Variants in OR1L8 observed in about 807,000 individuals in gnomAD.
The protein encoded by OR1L8 is olfactory receptor family 1 subfamily L member 8, also known as olfactory receptor 1L8.
For missense variants in OR1L8, 330 were observed against 377.4 expected, an observed-to-expected ratio of 0.87 and a Z score of 1.04; for synonymous variants, 148 against 147.0, an observed-to-expected ratio of 1.01 and a Z score of -0.05.
At chr9:122,553,657 G>A in the OR1L8 span, 14 of 1,613,972 alleles carry the variant, frequency 8.7e-6, no homozygotes, top group African/African-American at 2.7e-5. Context: ...CTAATGCTGG[G>A]TGTGTGCTGG....
rs754809139 is a variant in OR1L8 at position 122,567,966 on chromosome 9, TCA to T, written c.510_511del (p.Cys170Ter). 1.2e-6 allele frequency: 2 copies of T among 1,613,024 alleles called. No homozygotes were observed. Among genetic ancestry groups the T allele is most frequent in the African/African-American group, 2.7e-5 (2 of 74,480 alleles). On this transcript the variant is annotated stop_gained and frameshift_variant, in exon 5 of 5. Transcript: ENST00000641027. LOFTEE classifies it low-confidence loss of function (END_TRUNC). ...GAGAAAGTGGTGGATAACATTGGAG[TCA>T]CAGAAGGTGAGACGATTCAGCAGAA...
chr9:122,554,438 T>C, the OR1L8 span, among the ~76,000 whole-genome samples: 1 of 152,150 alleles, frequency 6.6e-6, no homozygotes, highest in Non-Finnish European at 1.5e-5. Flanking sequence ...ATATTAGCCA[T>C]AGTGAACAAG....
intron 3 of OR1L8, among the ~76,000 whole-genome samples, chr9:122,575,745 C>CT (rs894549495): frequency 3.9e-5 from 6 of 152,136 alleles, no homozygotes; most frequent in African/African-American, 1.4e-4. Context: ...CTCACAGTTA[C>CT]TTTTTTGTGA....
chr9:122,552,121 T>C, the OR1L8 span, among the ~76,000 whole-genome samples: 79,508 of 151,290 alleles, frequency 0.53, 21,185 homozygotes, highest in East Asian at 0.66. Context: ...AGTTCGATGA[T>C]CAGGTGACCA....
At chr9:122,569,297 G>C (rs1199915478) in intron 4 of OR1L8, among the ~76,000 whole-genome samples, 1 of 152,054 alleles carries the variant, frequency 6.6e-6, no homozygotes, top group Admixed American at 6.6e-5. Context: ...CCATTGTTAA[G>C]TGTTAAATCT....
chr9:122,553,480 C>A, the OR1L8 span: 4 of 1,613,982 alleles, frequency 2.5e-6, no homozygotes, highest in African/African-American at 5.3e-5. Flanking sequence ...AACATTCATA[C>A]CCAGAGTCAG....
the OR1L8 span, among the ~76,000 whole-genome samples, chr9:122,551,940 T>C: frequency 6.6e-6 from 1 of 152,226 alleles, no homozygotes; most frequent in African/African-American, 2.4e-5. Context: ...TTTTTTATTA[T>C]GAATTATCCA....
chr9:122,554,315 CT>C, the OR1L8 span: 2 of 623,534 alleles, frequency 3.2e-6, no homozygotes, highest in South Asian at 2.1e-5. Flanking sequence ...GTGTTTCATT[CT>C]TTTATTAGGC....
chr9:122,568,489 C>T lies in OR1L8; in HGVS notation c.-12G>A. ...TTGATTCTTTCCATTGACTTGGGCT[C>T]AGTTATAAACAAGAAGTTTTGTCAT... On this transcript the variant is annotated 5_prime_UTR_variant, in exon 5 of 5. An upstream open reading frame in the 5' UTR loses its in-frame stop. Transcript: ENST00000641027. 3 of 1,486,838 alleles carry T rather than the reference C, an allele frequency of 2.0e-6. No individual in the cohort carries two copies. Among genetic ancestry groups the T allele is most frequent in the Non-Finnish European group, 1.8e-6 (2 of 1,097,282 alleles). 92.1% of individuals were successfully genotyped at this position (1,486,838 alleles called of 1,614,324 possible).
the OR1L8 span, among the ~76,000 whole-genome samples, chr9:122,555,904 T>A: frequency 6.6e-6 from 1 of 152,220 alleles, no homozygotes; most frequent in Non-Finnish European, 1.5e-5. Flanking sequence ...TAGTTTACAT[T>A]GGAGTTCATT....
chr9:122,578,479 A>G (rs1189779720), intron 1 of OR1L8, 34 bp from the exon 2 acceptor site: 2 of 151,838 alleles, frequency 1.3e-5, no homozygotes, highest in Non-Finnish European at 2.9e-5. Flanking sequence ...ATCATTATAT[A>G]CAAAAAAAGA....
In OR1L8 at chr9:122,572,811, T is replaced by A. The variant is rs575456505; in HGVS notation, c.-244A>T. 1 of 152,240 alleles carries A rather than the reference T, an allele frequency of 6.6e-6. No individual in the cohort carries two copies. The highest frequency in any genetic ancestry group is 2.4e-5 in the African/African-American group (1 of 41,470). 9.4% of individuals were successfully genotyped at this position (152,240 alleles called of 1,614,324 possible). A position where few individuals can be genotyped will look rare whatever the true frequency, so the allele number is the denominator to read the frequency against. ...ATCCAGCGTTTTTCCTTTGCTTCCA[T>A]GTGTCTCAAGAAGTGGATCTTCTGC... On this transcript the variant is annotated 5_prime_UTR_variant, in exon 4 of 5. An upstream start codon of the reference 5' UTR is lost. Coordinates refer to ENST00000641027, the MANE Select transcript of OR1L8 (RefSeq NM_001004454.2).
At chr9:122,563,752 C>T (rs756819017), downstream of OR1L8, among the ~76,000 whole-genome samples, 9 of 152,242 alleles carry the variant, frequency 5.9e-5, no homozygotes, top group Non-Finnish European at 1.3e-4. Context: ...TCAGGTCTTA[C>T]AGTCAAGTTG....
intron 3 of OR1L8, among the ~76,000 whole-genome samples, chr9:122,573,336 C>T (rs148415341): frequency 3.3e-5 from 5 of 152,290 alleles, no homozygotes; most frequent in South Asian, 2.1e-4. Flanking sequence ...CTGCAATATC[C>T]GAAGGGAATG....
chr9:122,549,984 T>G, the OR1L8 span, among the ~76,000 whole-genome samples: 1 of 152,170 alleles, frequency 6.6e-6, no homozygotes, highest in Non-Finnish European at 1.5e-5. Flanking sequence ...ATTCTTCCAA[T>G]CCATGATCAT....
At chr9:122,579,423 C>T (rs1166451731) in intron 1 of OR1L8, among the ~76,000 whole-genome samples, 7 of 152,074 alleles carry the variant, frequency 4.6e-5, no homozygotes, top group East Asian at 1.9e-4. Context: ...GAGATAAAGT[C>T]GCTCTTTCTC....
rs1489223890 is a variant in OR1L8 at position 122,568,706 on chromosome 9, A to G, written c.-212-17T>C. 1 of 416,616 alleles carries G rather than the reference A, an allele frequency of 2.4e-6. No homozygotes were observed. Among genetic ancestry groups the G allele is most frequent in the Admixed American group, 4.0e-5 (1 of 24,876 alleles). The allele number at this position is 416,616 out of a possible 1,614,324, so 25.8% of individuals were successfully genotyped here. The stretch of plus-strand genomic sequence containing the variant: ...TATTGAAATCTGGAGGGACAGAGGG[A>G]GAGTTTTCCTTTAGAAACTTTCAGA... On this transcript the variant is annotated splice_polypyrimidine_tract_variant and intron_variant, in intron 4 of 4. Coordinates refer to ENST00000641027, the MANE Select transcript of OR1L8 (RefSeq NM_001004454.2).
intron 1 of OR1L8, among the ~76,000 whole-genome samples, chr9:122,579,698 ATTTCAG>A (rs1829714940): frequency 6.6e-6 from 1 of 152,208 alleles, no homozygotes; most frequent in African/African-American, 2.4e-5. Flanking sequence ...TGTCATAATT[ATTTCAG>A]GATTAAGTCT....
the OR1L8 span, among the ~76,000 whole-genome samples, chr9:122,547,369 G>A: frequency 6.6e-6 from 1 of 152,058 alleles, no homozygotes; most frequent in Admixed American, 6.6e-5. Flanking sequence ...TATTTTATTT[G>A]TTATATACTG....
Sources: allele counts gnomAD v4.1 joint callset (sites outside exome capture counted in the v4.1 genomes callset), GRCh38; gene constraint gnomAD v4.1.1; transcripts MANE v1.5; gene names NCBI Gene and HGNC (gene_info 2026-07-23, HGNC 2026-07-21).